Variants in TMED3 observed in about 807,000 individuals in gnomAD.
TMED3 encodes transmembrane p24 trafficking protein 3, also known as transmembrane emp24 domain-containing protein 3.
A neutral mutation model predicts 15.0 loss-of-function variants in TMED3; 9 were observed. That is an observed-to-expected ratio of 0.60 (90% confidence interval 0.36 to 1.04). TMED3 has a LOEUF of 1.04. Ranked by LOEUF, TMED3 falls within the 50% of genes least tolerant of loss-of-function variation. The pLI is 0.01. For missense variants in TMED3, 267 were observed against 278.9 expected (o/e 0.96, Z 0.30); for synonymous variants, 117 against 121.4 (o/e 0.96, Z 0.24).
intron 2 of TMED3, among the ~76,000 whole-genome samples, chr15:79,350,871 A>T (rs1020785828): frequency 3.9e-5 from 6 of 152,178 alleles, no homozygotes; most frequent in Non-Finnish European, 7.3e-5. Context: ...TTTGCTGTAC[A>T]TCAGCTCCCT....
At chr15:79,397,777 A>G (rs1423889809) in intron 2 of TMED3, among the ~76,000 whole-genome samples, 1 of 152,234 alleles carries the variant, frequency 6.6e-6, no homozygotes. Context: ...TAAGAGTTCT[A>G]TCCAGATGAC....
At chr15:79,352,512 A>T (rs994027691) in intron 2 of TMED3, among the ~76,000 whole-genome samples, 5 of 151,958 alleles carry the variant, frequency 3.3e-5, no homozygotes, top group Non-Finnish European at 1.5e-5. Context: ...GGATTTACTA[A>T]TGTGACACAT....
chr15:79,332,536 C>G (rs2058813158), intron 2 of TMED3, among the ~76,000 whole-genome samples: 1 of 152,244 alleles, frequency 6.6e-6, no homozygotes, highest in Non-Finnish European at 1.5e-5. Context: ...TAAGGGCAAC[C>G]CTCCAGCAAT....
intron 2 of TMED3, among the ~76,000 whole-genome samples, chr15:79,317,858 G>C (rs1363889416): frequency 6.6e-6 from 1 of 152,192 alleles, no homozygotes; most frequent in Non-Finnish European, 1.5e-5. Flanking sequence ...TGGTTTCCCT[G>C]CCTCTAAACT....
chr15:79,326,140 A>G (rs1308601099), downstream of TMED3, among the ~76,000 whole-genome samples: 2 of 152,228 alleles, frequency 1.3e-5, no homozygotes, highest in African/African-American at 2.4e-5. Flanking sequence ...GACAAACATC[A>G]TAATGATTCA....
intron 1 of TMED3, among the ~76,000 whole-genome samples, chr15:79,312,687 A>G (rs1467618806): frequency 6.6e-6 from 1 of 152,202 alleles, no homozygotes; most frequent in Non-Finnish European, 1.5e-5. Context: ...CTTATGTTAC[A>G]AGGAGAGTTT....
intron 2 of TMED3, among the ~76,000 whole-genome samples, chr15:79,342,105 A>T: frequency 6.6e-6 from 1 of 152,236 alleles, no homozygotes; most frequent in East Asian, 1.9e-4. Flanking sequence ...CAGTTTAAGA[A>T]ATAAGTAATT....
At position 79,400,311 on chromosome 15, in the gene TMED3, A is replaced by G. The variant is rs115413200; in HGVS notation, c.418-11089A>G. Among the ~76,000 whole-genome samples the G allele has an allele frequency of 4.7e-3, 720 of 152,094 alleles. 8 individuals are homozygous for G. The highest frequency in any genetic ancestry group is 0.017 in the African/African-American group (690 of 41,482). ...TTATTCTTTGTCATAGCACCTGTTT[A>G]TTTTCTTCCTGGCTTCTTCGGTGAT... On this transcript the variant is annotated intron_variant, in intron 2 of 2. Transcript: ENST00000424155.
chr15:79,362,913 A>C (rs995321785), intron 2 of TMED3, among the ~76,000 whole-genome samples: 1 of 152,250 alleles, frequency 6.6e-6, no homozygotes. Context: ...TAATACAAGA[A>C]TAATTGCAAA....
In TMED3 at chr15:79,390,886, G is replaced by A. The variant is rs146444359; in HGVS notation, c.418-20514G>A. Among the ~76,000 whole-genome samples, 501 of 151,972 alleles carry A rather than the reference G, an allele frequency of 3.3e-3. 4 individuals are homozygous for A. The highest frequency in any genetic ancestry group is 0.011 in the African/African-American group (456 of 41,486). On this transcript the variant is annotated intron_variant, in intron 2 of 2. Coordinates refer to the TMED3 transcript ENST00000424155. ...TATGTACATAAAGGTGTTCATAGTA[G>A]CCTTGAACCATCTTTTATATTTCTG...
At position 79,311,249 on chromosome 15, in the gene TMED3, C is replaced by G; in HGVS notation, c.-1C>G. The G allele has an allele frequency of 6.3e-7, 1 of 1,598,678 alleles. No homozygotes were observed. Among genetic ancestry groups the G allele is most frequent in the Non-Finnish European group, 8.5e-7 (1 of 1,175,230 alleles). On this transcript the variant is annotated 5_prime_UTR_variant, in exon 1 of 3. The change creates a new upstream start codon in the 5' untranslated region. Transcript: ENST00000299705. ...GCCCTCGAGACGGGACCGAGAGCAT[C>G]ATGGGCAGCACTGTCCCGCGCTCCG...
chr15:79,383,252 G>A, intron 2 of TMED3: 1 of 553,334 alleles, frequency 1.8e-6, no homozygotes, highest in Non-Finnish European at 3.2e-6. Context: ...GGCTGCCTTT[G>A]CTATCTTGTT....
At chr15:79,382,105 G>A (rs74612466) in intron 2 of TMED3, among the ~76,000 whole-genome samples, 2,941 of 152,208 alleles carry the variant, frequency 0.019, 89 homozygotes, top group African/African-American at 0.067. Context: ...GCCCTTCTGG[G>A]TTTTGTGCTC....
At chr15:79,353,502 A>ATTTTATATATTTTATAAG (rs1425212645) in intron 2 of TMED3, among the ~76,000 whole-genome samples, 2 of 147,518 alleles carry the variant, frequency 1.4e-5, no homozygotes, top group Non-Finnish European at 3.0e-5. Context: ...TGGCAACAAA[A>ATTTTATATATTTTATAAG]TTTTATATAT....
At chr15:79,315,347 A>G (rs757564174) in intron 2 of TMED3, among the ~76,000 whole-genome samples, 12 of 152,230 alleles carry the variant, frequency 7.9e-5, no homozygotes, top group Non-Finnish European at 1.2e-4. Context: ...CCATGCATAG[A>G]AAGTTCCATT....
At chr15:79,358,343 T>A (rs566179328) in intron 2 of TMED3, among the ~76,000 whole-genome samples, 146 of 152,356 alleles carry the variant, frequency 9.6e-4, no homozygotes, top group African/African-American at 3.2e-3. Context: ...GCATAAAACT[T>A]TAAATGGCTC....
At chr15:79,377,250 C>G (rs988810254) in intron 2 of TMED3, among the ~76,000 whole-genome samples, 1 of 147,838 alleles carries the variant, frequency 6.8e-6, no homozygotes, top group Non-Finnish European at 1.5e-5. Flanking sequence ...AATAGCAAAC[C>G]CTAAGTGGAG....
intron 2 of TMED3, among the ~76,000 whole-genome samples, chr15:79,395,348 T>A (rs1893751030): frequency 6.6e-6 from 1 of 151,976 alleles, no homozygotes; most frequent in African/African-American, 2.4e-5. Flanking sequence ...CCTGGCTAAT[T>A]TTTTGTATTT....
chr15:79,320,003 C>T (rs1355368252), intron 2 of TMED3, among the ~76,000 whole-genome samples: 1 of 152,184 alleles, frequency 6.6e-6, no homozygotes, highest in Non-Finnish European at 1.5e-5. Flanking sequence ...TGACTGATGT[C>T]AGGCCCTCCA....
Sources: gnomAD v4.1 joint callset for allele counts (sites outside exome capture counted in the v4.1 genomes callset) on GRCh38, gnomAD v4.1.1 for gene constraint, MANE v1.5 for transcripts, NCBI Gene and HGNC (gene_info 2026-07-23, HGNC 2026-07-21) for gene names.